The following FSTL5 variants were observed in gnomAD, a reference collection of about 807,000 sequenced individuals.
FSTL5 encodes follistatin-related protein 5.
A neutral mutation model predicts 89.1 loss-of-function variants in FSTL5; 62 were observed. That is an observed-to-expected ratio of 0.70 (90% CI 0.57 to 0.86). The LOEUF is 0.86. Ranked by LOEUF, FSTL5 falls within the 40% of genes least tolerant of loss-of-function variation. The pLI is 0.00. For missense variants in FSTL5, 1,057 were observed against 1,001.6 expected (o/e 1.06, Z -0.75); for synonymous variants, 383 against 346.2 (o/e 1.11, Z -1.18).
At chr4:162,115,865 T>G (rs146687681) in intron 1 of FSTL5, among the ~76,000 whole-genome samples, 1 of 152,264 alleles carries the variant, frequency 6.6e-6, no homozygotes, top group East Asian at 1.9e-4. Context: ...TTTAGTAGAT[T>G]CAAATTTGAG....
intron 3 of FSTL5, among the ~76,000 whole-genome samples, chr4:161,944,603 T>G (rs1272684200): frequency 1.3e-5 from 2 of 151,806 alleles, no homozygotes; most frequent in Non-Finnish European, 2.9e-5. Flanking sequence ...AGAAATTGGA[T>G]AGAAAATTAC....
intron 6 of FSTL5, among the ~76,000 whole-genome samples, chr4:161,716,738 A>G (rs904411005): frequency 6.6e-6 from 1 of 152,140 alleles, no homozygotes; most frequent in African/African-American, 2.4e-5. Context: ...ACCCTCCAGT[A>G]GAATGTGAGA....
intron 10 of FSTL5, among the ~76,000 whole-genome samples, chr4:161,526,933 C>G (rs1358425539): frequency 6.6e-6 from 1 of 152,078 alleles, no homozygotes; most frequent in Non-Finnish European, 1.5e-5. Flanking sequence ...GATGCGGGCT[C>G]TTTTTTGGTG....
chr4:161,836,193 C>T (rs1415587385), intron 4 of FSTL5, among the ~76,000 whole-genome samples: 6 of 150,646 alleles, frequency 4.0e-5, no homozygotes, highest in Non-Finnish European at 5.9e-5. Flanking sequence ...TCTGAGTAAA[C>T]TATCGCAAGA....
chr4:161,901,572 G>A (rs188885154), intron 4 of FSTL5, among the ~76,000 whole-genome samples: 111 of 152,242 alleles, frequency 7.3e-4, no homozygotes, highest in African/African-American at 2.5e-3. Flanking sequence ...AGATAATCGC[G>A]TATGTCTTTT....
At chr4:161,783,396 A>G (rs1356263773) in intron 4 of FSTL5, among the ~76,000 whole-genome samples, 1 of 151,948 alleles carries the variant, frequency 6.6e-6, no homozygotes, top group Non-Finnish European at 1.5e-5. Flanking sequence ...CGGGTAACCT[A>G]TCTATAAATG....
intron 13 of FSTL5, among the ~76,000 whole-genome samples, chr4:161,479,066 A>AT (rs755569465): frequency 6.6e-6 from 1 of 152,084 alleles, no homozygotes; most frequent in South Asian, 2.1e-4. Flanking sequence ...AATAATTATT[A>AT]TTATAATAAC....
intron 1 of FSTL5, among the ~76,000 whole-genome samples, chr4:162,141,107 T>TC (rs1491307925): frequency 1.1e-4 from 1 of 9,048 alleles, no homozygotes; most frequent in African/African-American, 3.4e-4. Context: ...CCCTTCTCTC[T>TC]TTTTTTTTTT....
At chr4:161,688,895 C>T (rs1376227783) in intron 6 of FSTL5, among the ~76,000 whole-genome samples, 4 of 152,132 alleles carry the variant, frequency 2.6e-5, no homozygotes, top group Non-Finnish European at 4.4e-5. Context: ...GCAATTACAT[C>T]ATTTGCAAAT....
chr4:161,721,860 G>C (rs1739230580), intron 6 of FSTL5, among the ~76,000 whole-genome samples: 1 of 152,162 alleles, frequency 6.6e-6, no homozygotes, highest in African/African-American at 2.4e-5. Context: ...AAATTAGTGA[G>C]TGAATTTTAA....
chr4:161,807,051 AG>A (rs1217582859), intron 4 of FSTL5, among the ~76,000 whole-genome samples: 1 of 152,174 alleles, frequency 6.6e-6, no homozygotes, highest in African/African-American at 2.4e-5. Flanking sequence ...TGTGAGCTAC[AG>A]GAATATCTTT....
At chr4:161,572,860 G>C (rs1733068049) in intron 8 of FSTL5, among the ~76,000 whole-genome samples, 1 of 151,988 alleles carries the variant, frequency 6.6e-6, no homozygotes, top group African/African-American at 2.4e-5. Context: ...GGTAGGATAT[G>C]GTTTAAACTG....
chr4:161,850,397 G>A (rs927109014), intron 4 of FSTL5, among the ~76,000 whole-genome samples: 1 of 152,168 alleles, frequency 6.6e-6, no homozygotes, highest in Non-Finnish European at 1.5e-5. Flanking sequence ...TATTGGAGTA[G>A]CCATTCAGCA....
At chr4:161,813,157 G>T (rs1030644405) in intron 4 of FSTL5, among the ~76,000 whole-genome samples, 3 of 151,836 alleles carry the variant, frequency 2.0e-5, no homozygotes, top group Admixed American at 2.0e-4. Flanking sequence ...CTCCCAAGCA[G>T]CTGGGACTAC....
chr4:161,676,651 A>G lies in FSTL5; in HGVS notation c.728-20157T>C, dbSNP rs140421850. ...ATATGTATCCCAGAACTTAAAGTAT[A>G]ATAAATTTTTAAAAAATAATAAAGT... On this transcript the variant is annotated intron_variant, in intron 6 of 15. Coordinates refer to ENST00000306100, the MANE Select transcript of FSTL5 (RefSeq NM_020116.5). Among the ~76,000 whole-genome samples, 897 of 152,092 alleles carry G rather than the reference A, an allele frequency of 5.9e-3. 5 individuals carry two copies. Among genetic ancestry groups the G allele is most frequent in the African/African-American group, 0.02 (829 of 41,500 alleles).
chr4:161,825,046 A>G (rs1730623513), intron 4 of FSTL5, among the ~76,000 whole-genome samples: 1 of 152,070 alleles, frequency 6.6e-6, no homozygotes, highest in African/African-American at 2.4e-5. Context: ...GATGGCTTTT[A>G]TTACATTAAA....
chr4:161,448,662 C>T (rs1287683793), intron 15 of FSTL5, among the ~76,000 whole-genome samples: 2 of 152,172 alleles, frequency 1.3e-5, no homozygotes, highest in Non-Finnish European at 2.9e-5. Context: ...GCTACTTACT[C>T]TCTCATTTTA....
chr4:162,060,058 C>A (rs1374258865), intron 2 of FSTL5, among the ~76,000 whole-genome samples: 1 of 152,010 alleles, frequency 6.6e-6, no homozygotes, highest in African/African-American at 2.4e-5. Flanking sequence ...CAATTGATCT[C>A]AAAATTGTAT....
At chr4:161,940,628 A>G (rs2110922198) in intron 3 of FSTL5, among the ~76,000 whole-genome samples, 1 of 152,022 alleles carries the variant, frequency 6.6e-6, no homozygotes, top group South Asian at 2.1e-4. Context: ...ACATGCTGAT[A>G]TAAAAATCAT....
Sources: allele counts gnomAD v4.1 joint callset (sites outside exome capture counted in the v4.1 genomes callset), GRCh38; gene constraint gnomAD v4.1.1; transcripts MANE v1.5; gene names NCBI Gene and HGNC (gene_info 2026-07-23, HGNC 2026-07-21).